Variants in SBF2 observed in about 807,000 individuals in gnomAD.
The protein encoded by SBF2 is myotubularin-related protein 13.
A neutral mutation model predicts 225.2 loss-of-function variants in SBF2; 112 were observed. The observed-to-expected ratio is 0.50, with a 90% CI of 0.43 to 0.58. The LOEUF (loss-of-function observed/expected upper bound fraction) is 0.58, where lower values mean the gene tolerates loss of function less well. Ranked by LOEUF, SBF2 falls within the 20% of genes least tolerant of loss-of-function variation. The pLI is 0.00. For synonymous variants in SBF2, 763 were observed against 773.3 expected, an observed-to-expected ratio of 0.99 and a Z score of 0.22; for missense variants, 1,996 against 2,206.2, an observed-to-expected ratio of 0.90 and a Z score of 1.91.
intron 2 of SBF2, among the ~76,000 whole-genome samples, chr11:10,110,369 T>C (rs1952779759): frequency 6.6e-6 from 1 of 152,154 alleles, no homozygotes; most frequent in African/African-American, 2.4e-5. Flanking sequence ...TTCTCGGTAT[T>C]CAGTAGCCAT....
chr11:9,960,823 CCTGG>C (rs1212855935), intron 16 of SBF2: 2 of 152,158 alleles, frequency 1.3e-5, no homozygotes, highest in African/African-American at 4.8e-5. Flanking sequence ...TGCCATCAAG[CCTGG>C]CTAATTTTTG....
intron 1 of SBF2, among the ~76,000 whole-genome samples, chr11:10,252,714 G>A (rs1238547639): frequency 6.6e-6 from 1 of 152,006 alleles, no homozygotes; most frequent in East Asian, 1.9e-4. Flanking sequence ...GGAGGCTGAG[G>A]CAGGAGAATG....
At chr11:9,844,094 T>G (rs1856368360) in intron 24 of SBF2, among the ~76,000 whole-genome samples, 1 of 152,196 alleles carries the variant, frequency 6.6e-6, no homozygotes, top group Admixed American at 6.5e-5. Context: ...CACAAAGCTT[T>G]GTCTCTTCCA....
chr11:10,245,564 CAGCCACTATA>C (rs1565396218), intron 1 of SBF2, among the ~76,000 whole-genome samples: 1 of 152,210 alleles, frequency 6.6e-6, no homozygotes, highest in East Asian at 1.9e-4. Context: ...TAAATTGGTG[CAGCCACTATA>C]AGAAATTATG....
At chr11:9,824,463 A>G (rs1854951296) in intron 28 of SBF2, among the ~76,000 whole-genome samples, 1 of 151,822 alleles carries the variant, frequency 6.6e-6, no homozygotes, top group African/African-American at 2.4e-5. Context: ...AGGCTGAGGC[A>G]GGAGAATTGC....
chr11:9,971,471 G>C (rs1009979217), intron 13 of SBF2, among the ~76,000 whole-genome samples: 2 of 151,976 alleles, frequency 1.3e-5, no homozygotes, highest in Non-Finnish European at 2.9e-5. Flanking sequence ...TTTAGTCCAG[G>C]AGTTCAAGAC....
chr11:10,064,985 A>G (rs1242221465), intron 2 of SBF2, among the ~76,000 whole-genome samples: 2 of 152,228 alleles, frequency 1.3e-5, no homozygotes, highest in African/African-American at 4.8e-5. Context: ...CTTCTCAAGT[A>G]CATCTGAATT....
chr11:9,807,827 T>C lies in SBF2; in HGVS notation c.4443+173A>G, dbSNP rs147386513. 5.9e-6 allele frequency: 4 copies of C among 676,972 alleles called. No homozygotes were observed. In the East Asian group the frequency reaches 8.2e-5, roughly 14 times the overall value. 41.9% of individuals were successfully genotyped at this position (676,972 alleles called of 1,614,324 possible). On this transcript the variant is annotated intron_variant, in intron 32 of 39. Coordinates refer to ENST00000256190, the MANE Select transcript of SBF2 (RefSeq NM_030962.4). ...TCCTAGTTTCAGAAACCAACTAATT[T>C]TTTTTCTTTTCCATTCCTAGGAGTC...
intron 13 of SBF2, among the ~76,000 whole-genome samples, chr11:9,986,942 C>T (rs1300803275): frequency 2.0e-5 from 3 of 152,124 alleles, no homozygotes; most frequent in Non-Finnish European, 4.4e-5. Context: ...CAGCATCACC[C>T]TAATACCCAA....
chr11:9,910,988 G>C (rs932431318), intron 16 of SBF2, among the ~76,000 whole-genome samples: 7 of 151,724 alleles, frequency 4.6e-5, no homozygotes, highest in Non-Finnish European at 1.0e-4. Context: ...GAACCTGGGA[G>C]GAAGAGGTTG....
At chr11:9,976,925 A>G (rs1590660473) in intron 13 of SBF2, among the ~76,000 whole-genome samples, 1 of 151,754 alleles carries the variant, frequency 6.6e-6, no homozygotes, top group African/African-American at 2.4e-5. Flanking sequence ...GCCCACCACC[A>G]TGCCCAGCTA....
At chr11:10,156,855 C>T (rs61877260) in intron 2 of SBF2, among the ~76,000 whole-genome samples, 38,512 of 152,076 alleles carry the variant, frequency 0.25, 5,028 homozygotes, top group Middle Eastern at 0.32. Flanking sequence ...AAGTAATTTA[C>T]AGATTCAATG....
intron 1 of SBF2, among the ~76,000 whole-genome samples, chr11:10,204,848 G>T (rs189119044): frequency 6.6e-6 from 1 of 152,166 alleles, no homozygotes; most frequent in African/African-American, 2.4e-5. Context: ...GGCTTAAGGG[G>T]GTAAAGGGAG....
intron 1 of SBF2, among the ~76,000 whole-genome samples, chr11:10,286,160 GCACACGCACACACACACACA>G (rs1009525551): frequency 4.5e-5 from 5 of 110,352 alleles, no homozygotes; most frequent in African/African-American, 1.3e-4. Flanking sequence ...ACATAAACAC[GCACACGCACACACACACACA>G]CACACACACA....
At chr11:10,263,584 CTAA>C (rs1961650712) in intron 1 of SBF2, among the ~76,000 whole-genome samples, 1 of 152,096 alleles carries the variant, frequency 6.6e-6, no homozygotes, top group Non-Finnish European at 1.5e-5. Flanking sequence ...ACTCTTACTA[CTAA>C]TAAGTACCTA....
chr11:9,967,075 T>C (rs1866959964), intron 14 of SBF2, among the ~76,000 whole-genome samples: 1 of 152,076 alleles, frequency 6.6e-6, no homozygotes, highest in African/African-American at 2.4e-5. Context: ...TATTCAGACA[T>C]TTAAAAATAA....
At chr11:9,899,824 T>A (rs974591035) in intron 16 of SBF2, among the ~76,000 whole-genome samples, 1 of 152,050 alleles carries the variant, frequency 6.6e-6, no homozygotes, top group Non-Finnish European at 1.5e-5. Context: ...GATGATATCA[T>A]CAGATATAAC....
chr11:10,049,312 T>G (rs966605435), intron 2 of SBF2, among the ~76,000 whole-genome samples: 2 of 152,210 alleles, frequency 1.3e-5, no homozygotes, highest in Non-Finnish European at 2.9e-5. Context: ...AAAAAAAATT[T>G]TATTTTAGTT....
rs1856428330 is a variant in SBF2 at position 9,844,897 on chromosome 11, T to TA, written c.3110+667dup. Among the ~76,000 whole-genome samples the TA allele has an allele frequency of 3.3e-5, 5 of 152,288 alleles. No homozygotes were observed. In the South Asian group the frequency reaches 1.0e-3, roughly 32 times the overall value. The stretch of plus-strand genomic sequence containing the variant: ...CGTTCTGCACATGTATTCCAGAACT[T>TA]AAAGTATAATAAATAAATTTAAAAA... On this transcript the variant is annotated intron_variant, in intron 24 of 39. Transcript: ENST00000256190.
Sources: allele counts gnomAD v4.1 joint callset (sites outside exome capture counted in the v4.1 genomes callset), GRCh38; gene constraint gnomAD v4.1.1; transcripts MANE v1.5; gene names NCBI Gene and HGNC (gene_info 2026-07-23, HGNC 2026-07-21).